Variants in VGLL4 observed in about 807,000 individuals in gnomAD.
The protein encoded by VGLL4 is vestigial like family member 4.
Under a neutral mutation model 21.0 loss-of-function variants are expected in VGLL4, and 7 were observed. The observed-to-expected ratio is 0.33, with a 90% CI of 0.19 to 0.63. The LOEUF is 0.63. Ranked by LOEUF, VGLL4 falls within the 20% of genes least tolerant of loss-of-function variation. The pLI, the probability that VGLL4 is intolerant of heterozygous loss-of-function variation, is 0.78. For synonymous variants in VGLL4, 222 were observed against 173.2 expected (o/e 1.28, Z -2.21); for missense variants, 394 against 425.7 (o/e 0.93, Z 0.66).
chr3:11,633,764 G>C (rs556138468), intron 1 of VGLL4: 1 of 152,182 alleles, frequency 6.6e-6, no homozygotes, highest in African/African-American at 2.4e-5. Flanking sequence ...TAGGAGCCAC[G>C]AGAAAGGAAC....
At chr3:11,671,170 C>T (rs879636304) in intron 2 of VGLL4, 15 of 1,386,040 alleles carry the variant, frequency 1.1e-5, no homozygotes, top group East Asian at 2.4e-5. Flanking sequence ...AAACATACCA[C>T]ACTTTTCTTT....
intron 2 of VGLL4, among the ~76,000 whole-genome samples, chr3:11,590,900 T>C (rs1213009510): frequency 6.6e-6 from 1 of 152,202 alleles, no homozygotes; most frequent in African/African-American, 2.4e-5. Flanking sequence ...TAGCCACACC[T>C]AGCCAAATTT....
chr3:11,660,614 T>G (rs1434823195), intron 2 of VGLL4, among the ~76,000 whole-genome samples: 1 of 152,220 alleles, frequency 6.6e-6, no homozygotes, highest in Non-Finnish European at 1.5e-5. Context: ...AATTTTAGTT[T>G]TACTTTGTAA....
intron 2 of VGLL4, among the ~76,000 whole-genome samples, chr3:11,674,721 A>G (rs2076266409): frequency 1.3e-5 from 2 of 152,220 alleles, no homozygotes; most frequent in Non-Finnish European, 2.9e-5. Flanking sequence ...AAGAAACGGG[A>G]CACCCAGGAA....
intron 1 of VGLL4, among the ~76,000 whole-genome samples, chr3:11,720,072 G>C (rs1480586500): frequency 3.3e-5 from 5 of 151,848 alleles, no homozygotes; most frequent in Non-Finnish European, 7.4e-5. Context: ...GTAGGTCCCT[G>C]CTCCCGGGGG....
chr3:11,575,053 G>A (rs866532207), intron 2 of VGLL4, among the ~76,000 whole-genome samples: 1 of 152,032 alleles, frequency 6.6e-6, no homozygotes, highest in African/African-American at 2.4e-5. Context: ...CTTCTTCAAC[G>A]CTCGTGCCAA....
intron 2 of VGLL4, among the ~76,000 whole-genome samples, chr3:11,574,642 A>G (rs1048774905): frequency 3.3e-5 from 5 of 152,160 alleles, no homozygotes; most frequent in African/African-American, 1.2e-4. Context: ...AACAACATCC[A>G]TATATTGGAT....
chr3:11,566,887 G>A (rs570429393), intron 2 of VGLL4, among the ~76,000 whole-genome samples: 85 of 152,296 alleles, frequency 5.6e-4, no homozygotes, highest in African/African-American at 2.0e-3. Context: ...GAGACTTAAC[G>A]GGTGAATGAA....
Position 11,580,976 on chromosome 3 carries a change from T to C in VGLL4, c.273-15957A>G, listed in dbSNP as rs930440392. On this transcript the variant is annotated intron_variant, in intron 2 of 4. Coordinates refer to ENST00000430365, the MANE Select transcript of VGLL4 (RefSeq NM_001128219.3). ...TGGCTAATGTTAACAGCAATACATA[T>C]TGACCATTTGTATAACATTGGTGTA... 3.9e-5 allele frequency among the ~76,000 whole-genome samples: 6 copies of C among 152,318 alleles called. No homozygotes were observed. In the East Asian group the frequency reaches 5.8e-4, roughly 15 times the overall value.
intron 1 of VGLL4, among the ~76,000 whole-genome samples, chr3:11,708,354 A>T (rs4684795): frequency 0.47 from 70,776 of 152,038 alleles, 17,099 homozygotes; most frequent in Non-Finnish European, 0.54. Context: ...GACCTAAAGA[A>T]TGAGAAGAAT....
chr3:11,707,716 G>A (rs1000405741), intron 1 of VGLL4, among the ~76,000 whole-genome samples: 6 of 151,974 alleles, frequency 3.9e-5, no homozygotes, highest in Non-Finnish European at 7.4e-5. Context: ...AAAATTAGCC[G>A]GGCATAGGGA....
intron 2 of VGLL4, chr3:11,671,325 G>A (rs1270228137): frequency 2.7e-6 from 4 of 1,473,640 alleles, no homozygotes; most frequent in African/African-American, 1.4e-5. Flanking sequence ...TTGTCAAAAT[G>A]CGTATTCTCA....
chr3:11,637,238 C>G (rs1159016773), intron 1 of VGLL4, among the ~76,000 whole-genome samples: 2 of 152,146 alleles, frequency 1.3e-5, no homozygotes, highest in African/African-American at 4.8e-5. Context: ...TTGTTCATTT[C>G]TCTAACCATA....
chr3:11,611,729 G>C (rs2075067169), intron 1 of VGLL4: 1 of 152,506 alleles, frequency 6.6e-6, no homozygotes, highest in East Asian at 1.9e-4. Flanking sequence ...ACTGGCAAGG[G>C]AGGAGAATGG....
chr3:11,635,699 A>G (rs1401457421), intron 1 of VGLL4, among the ~76,000 whole-genome samples: 1 of 152,210 alleles, frequency 6.6e-6, no homozygotes, highest in South Asian at 2.1e-4. Flanking sequence ...AATAGAAAAA[A>G]GCCTCCCAGC....
chr3:11,573,489 T>C (rs1274105682), intron 2 of VGLL4, among the ~76,000 whole-genome samples: 3 of 152,126 alleles, frequency 2.0e-5, no homozygotes, highest in African/African-American at 7.2e-5. Context: ...TTGCAGGTCA[T>C]CCACCTTCGA....
At chr3:11,621,683 G>A (rs1189639433) in intron 1 of VGLL4, among the ~76,000 whole-genome samples, 1 of 152,154 alleles carries the variant, frequency 6.6e-6, no homozygotes, top group Non-Finnish European at 1.5e-5. Flanking sequence ...ATGTACCTAG[G>A]AGTAGAATTG....
intron 2 of VGLL4, among the ~76,000 whole-genome samples, chr3:11,659,214 A>G (rs1460958061): frequency 6.6e-6 from 1 of 152,120 alleles, no homozygotes; most frequent in Non-Finnish European, 1.5e-5. Flanking sequence ...CTGTCCTTGA[A>G]GAGTATATCA....
chr3:11,591,731 C>G (rs2345339), intron 2 of VGLL4, among the ~76,000 whole-genome samples: 142,139 of 152,294 alleles, frequency 0.93, 66,460 homozygotes, highest in African/African-American at 0.95. Context: ...ATCTGCAGAT[C>G]CAAGAGTGGC....
Sources: gnomAD v4.1 joint callset for allele counts (sites outside exome capture counted in the v4.1 genomes callset) on GRCh38, gnomAD v4.1.1 for gene constraint, MANE v1.5 for transcripts, NCBI Gene and HGNC (gene_info 2026-07-23, HGNC 2026-07-21) for gene names.